Variants in KIAA1328 observed in about 807,000 individuals in gnomAD.
KIAA1328 encodes protein hinderin.
A neutral mutation model predicts 68.1 loss-of-function variants in KIAA1328; 52 were observed. The observed-to-expected ratio is 0.76, with a 90% confidence interval of 0.61 to 0.96. The LOEUF is 0.96. Among genes scored for constraint, KIAA1328 ranks in the 40% least tolerant of loss-of-function variants. The pLI, the probability that KIAA1328 is intolerant of heterozygous loss-of-function variation, is 0.00. For missense variants in KIAA1328, 641 were observed against 677.6 expected (o/e 0.95, Z 0.60); for synonymous variants, 232 against 239.4 (o/e 0.97, Z 0.28).
At chr18:36,868,013 G>GA (rs1162295143) in intron 4 of KIAA1328, among the ~76,000 whole-genome samples, 1 of 152,202 alleles carries the variant, frequency 6.6e-6, no homozygotes, top group East Asian at 1.9e-4. Flanking sequence ...TAAAGTGCCT[G>GA]ATATGGTTTT....
chr18:36,941,908 G>T (rs547713391), intron 5 of KIAA1328, among the ~76,000 whole-genome samples: 76 of 152,000 alleles, frequency 5.0e-4, no homozygotes, highest in Admixed American at 9.8e-4. Context: ...AAAAGAAATT[G>T]TTTAGTGAAA....
intron 7 of KIAA1328, among the ~76,000 whole-genome samples, chr18:37,083,499 T>G (rs1021552396): frequency 6.6e-6 from 1 of 152,248 alleles, no homozygotes; most frequent in Non-Finnish European, 1.5e-5. Context: ...ACATATTTGA[T>G]ACCAGTGATT....
At chr18:37,084,996 G>C (rs1023226887) in intron 7 of KIAA1328, among the ~76,000 whole-genome samples, 1 of 152,056 alleles carries the variant, frequency 6.6e-6, no homozygotes, top group African/African-American at 2.4e-5. Flanking sequence ...GTCTGCCTCA[G>C]GTTGAGACTA....
chr18:37,184,273 G>GT (rs914595985), intron 9 of KIAA1328, among the ~76,000 whole-genome samples: 1 of 152,038 alleles, frequency 6.6e-6, no homozygotes, highest in African/African-American at 2.4e-5. Context: ...CTATTTTAAG[G>GT]TTTTTCCATT....
chr18:37,198,285 C>A (rs776837852), intron 9 of KIAA1328, among the ~76,000 whole-genome samples: 1 of 152,114 alleles, frequency 6.6e-6, no homozygotes, highest in Non-Finnish European at 1.5e-5. Flanking sequence ...TCTAAATAAA[C>A]TAAAAATCAC....
intron 5 of KIAA1328, among the ~76,000 whole-genome samples, chr18:36,923,466 C>T (rs2050003351): frequency 6.6e-6 from 1 of 152,042 alleles, no homozygotes; most frequent in African/African-American, 2.4e-5. Context: ...ACAGAGGTCT[C>T]ATCTCTACAG....
rs1222395438 is a variant in KIAA1328, at chr18:36,844,197, T to G, written c.238-11T>G. 1 of 1,562,482 alleles carries G rather than the reference T, an allele frequency of 6.4e-7. No individual in the cohort carries two copies. Among genetic ancestry groups the G allele is most frequent in the East Asian group, 2.3e-5 (1 of 44,284 alleles). On this transcript the variant is annotated splice_polypyrimidine_tract_variant and intron_variant, in intron 3 of 9. Transcript: ENST00000280020. ...TTTAGAAAAAGTGTAACTAAATTTTTTTTTTTTAAGAATTCCTGCAGGGGA... is the reference window on the plus strand; with the variant it reads ...TTTAGAAAAAGTGTAACTAAATTTTGTTTTTTTAAGAATTCCTGCAGGGGA...
At chr18:37,080,737 G>A (rs1010703396) in intron 7 of KIAA1328, among the ~76,000 whole-genome samples, 7 of 149,364 alleles carry the variant, frequency 4.7e-5, no homozygotes, top group Admixed American at 6.7e-5. Flanking sequence ...CCGAGATCGC[G>A]CCACTTCACT....
In KIAA1328 at chr18:37,222,764, C is replaced by T. The variant is rs952471343; in HGVS notation, c.*537C>T. On this transcript the variant is annotated 3_prime_UTR_variant, in exon 10 of 10. Transcript: ENST00000280020. The stretch of plus-strand genomic sequence containing the variant: ...GAGTTGGTGCCCCTGCCATCACAAA[C>T]AACACGAGAGCCAATTGTGAGTCAG... The T allele has an allele frequency of 2.0e-6, 2 of 996,212 alleles. No individual in the cohort carries two copies. Among genetic ancestry groups the T allele is most frequent in the Admixed American group, 5.6e-5 (1 of 17,768 alleles). 61.7% of individuals were successfully genotyped at this position (996,212 alleles called of 1,614,324 possible).
chr18:37,022,615 C>T (rs1473044793), intron 6 of KIAA1328, among the ~76,000 whole-genome samples: 1 of 152,098 alleles, frequency 6.6e-6, no homozygotes, highest in African/African-American at 2.4e-5. Context: ...CAATAAAAAA[C>T]TCTGAAAAAT....
chr18:37,155,424 C>G (rs2059131654), intron 7 of KIAA1328, among the ~76,000 whole-genome samples: 1 of 152,104 alleles, frequency 6.6e-6, no homozygotes, highest in African/African-American at 2.4e-5. Context: ...CTTATCAACC[C>G]AAAATTCTGG....
rs185368616 is a variant in KIAA1328, at chr18:36,929,473, G to A, written c.449-29835G>A. Reference sequence around the variant, plus strand: ...TACCTGACTTTGAATTTCTCTAGTGGTGGGCTTCTGCCACCTTGTACTTAG... The same window carrying A: ...TACCTGACTTTGAATTTCTCTAGTGATGGGCTTCTGCCACCTTGTACTTAG... On this transcript the variant is annotated intron_variant, in intron 5 of 9. Transcript: ENST00000280020. Among the ~76,000 whole-genome samples the A allele has an allele frequency of 2.6e-5, 4 of 151,548 alleles. No individual in the cohort carries two copies. The East Asian group carries it at 7.7e-4, about 29-fold the overall frequency.
intron 6 of KIAA1328, among the ~76,000 whole-genome samples, chr18:37,058,034 T>A (rs929081367): frequency 1.3e-5 from 2 of 152,194 alleles, no homozygotes; most frequent in African/African-American, 4.8e-5. Flanking sequence ...TATGGATATA[T>A]GTTGCAGGGG....
intron 6 of KIAA1328, among the ~76,000 whole-genome samples, chr18:36,981,351 A>C (rs1410182707): frequency 6.6e-6 from 1 of 152,146 alleles, no homozygotes; most frequent in African/African-American, 2.4e-5. Context: ...AACCTCAAGA[A>C]TAGAGAAATA....
At position 37,223,690 on chromosome 18, in the gene KIAA1328, T is replaced by G; in HGVS notation, c.*1463T>G. 1 of 985,344 alleles carries G rather than the reference T, an allele frequency of 1.0e-6. No individual in the cohort carries two copies. The highest frequency in any genetic ancestry group is 1.2e-6 in the Non-Finnish European group (1 of 829,924). The allele number at this position is 985,344 out of a possible 1,614,324, so 61.0% of individuals were successfully genotyped here. A position where few individuals can be genotyped will look rare whatever the true frequency, so the allele number is the denominator to read the frequency against. On this transcript the variant is annotated 3_prime_UTR_variant, in exon 10 of 10. Transcript: ENST00000280020. Reference sequence around the variant, plus strand: ...AGTCTGCGTGGCTTCCCTGAATTACTCTTTTAATTAAAACTAGATTATTTC... The same window carrying G: ...AGTCTGCGTGGCTTCCCTGAATTACGCTTTTAATTAAAACTAGATTATTTC...
At chr18:37,035,185 AG>A (rs1194737544) in intron 6 of KIAA1328, among the ~76,000 whole-genome samples, 3 of 152,186 alleles carry the variant, frequency 2.0e-5, no homozygotes, top group African/African-American at 7.2e-5. Flanking sequence ...AAACATCTGA[AG>A]TGAATGCTTA....
At chr18:36,987,931 C>A (rs1163135099) in intron 6 of KIAA1328, among the ~76,000 whole-genome samples, 1 of 151,882 alleles carries the variant, frequency 6.6e-6, no homozygotes, top group Non-Finnish European at 1.5e-5. Context: ...AGCCCTAGTT[C>A]AGCTCTATCT....
At chr18:37,011,910 A>G (rs1238273453) in intron 6 of KIAA1328, among the ~76,000 whole-genome samples, 1 of 152,044 alleles carries the variant, frequency 6.6e-6, no homozygotes. Context: ...AAAATTATAC[A>G]GTAAGAAAGA....
intron 5 of KIAA1328, among the ~76,000 whole-genome samples, chr18:36,908,434 C>A (rs2049301166): frequency 6.6e-6 from 1 of 152,110 alleles, no homozygotes; most frequent in South Asian, 2.1e-4. Flanking sequence ...CTAGCTCACT[C>A]GCTCAAGCAA....
Sources: gnomAD v4.1 joint callset for allele counts (sites outside exome capture counted in the v4.1 genomes callset) on GRCh38, gnomAD v4.1.1 for gene constraint, MANE v1.5 for transcripts, NCBI Gene and HGNC (gene_info 2026-07-23, HGNC 2026-07-21) for gene names.